Variants in NTM observed in about 807,000 individuals in gnomAD.
The protein encoded by NTM is IgLON family member 2.
A neutral mutation model predicts 42.1 loss-of-function variants in NTM; 13 were observed. That is an observed-to-expected ratio of 0.31 (90% CI 0.20 to 0.49). NTM has a LOEUF of 0.49. Among genes scored for constraint, NTM ranks in the 20% least tolerant of loss-of-function variants. The pLI is 0.99. For synonymous variants in NTM, 187 were observed against 179.2 expected, an observed-to-expected ratio of 1.04 and a Z score of -0.35; for missense variants, 373 against 452.8, an observed-to-expected ratio of 0.82 and a Z score of 1.60.
At chr11:131,446,798 T>C (rs985808581) in intron 1 of NTM, among the ~76,000 whole-genome samples, 9 of 152,244 alleles carry the variant, frequency 5.9e-5, no homozygotes, top group Admixed American at 6.5e-5. Flanking sequence ...AGATGACTTA[T>C]AATGCTCAGC....
At chr11:132,135,499 G>A (rs944136447) in intron 2 of NTM, among the ~76,000 whole-genome samples, 2 of 152,250 alleles carry the variant, frequency 1.3e-5, no homozygotes, top group African/African-American at 4.8e-5. Flanking sequence ...ACAGGCAGAA[G>A]GTGTAAGGGA....
chr11:131,601,799 C>G (rs2060509740), intron 1 of NTM, among the ~76,000 whole-genome samples: 1 of 152,276 alleles, frequency 6.6e-6, no homozygotes, highest in South Asian at 2.1e-4. Flanking sequence ...ATTTAGTCAT[C>G]ATATATTTAT....
At chr11:131,564,083 AT>A (rs1333015423) in intron 1 of NTM, among the ~76,000 whole-genome samples, 3 of 152,136 alleles carry the variant, frequency 2.0e-5, no homozygotes, top group Non-Finnish European at 2.9e-5. Context: ...AGAAGCAGAC[AT>A]TTTGTGCAAG....
chr11:131,557,378 T>C (rs958018233), intron 1 of NTM, among the ~76,000 whole-genome samples: 1 of 152,176 alleles, frequency 6.6e-6, no homozygotes, highest in South Asian at 2.1e-4. Flanking sequence ...TGACATTTTG[T>C]ACTTCAAGCT....
intron 2 of NTM, among the ~76,000 whole-genome samples, chr11:132,047,198 A>C (rs1018670067): frequency 6.6e-6 from 1 of 152,250 alleles, no homozygotes; most frequent in African/African-American, 2.4e-5. Context: ...TCATTCTAAG[A>C]AGAATGAGCA....
intron 1 of NTM, among the ~76,000 whole-genome samples, chr11:131,433,082 C>T (rs1054458767): frequency 6.6e-6 from 1 of 151,922 alleles, no homozygotes; most frequent in Admixed American, 6.6e-5. Context: ...TGTTCTCGAT[C>T]TCCTGACCTC....
intron 1 of NTM, among the ~76,000 whole-genome samples, chr11:131,711,311 G>T (rs2077099604): frequency 6.6e-6 from 1 of 152,120 alleles, no homozygotes; most frequent in African/African-American, 2.4e-5. Context: ...CCATCAAAAA[G>T]TGGGCGAAGT....
rs1396695241 is a variant in NTM, at chr11:132,146,791, C to T, written c.400+277C>T. 2 of 414,428 alleles carry T rather than the reference C, an allele frequency of 4.8e-6. No individual in the cohort carries two copies. The highest frequency in any genetic ancestry group is 8.5e-6 in the Non-Finnish European group (2 of 235,380). The allele number at this position is 414,428 out of a possible 1,614,324, so 25.7% of individuals were successfully genotyped here. A position where few individuals can be genotyped will look rare whatever the true frequency, so the allele number is the denominator to read the frequency against. On this transcript the variant is annotated intron_variant, in intron 3 of 8. Coordinates refer to ENST00000683400, the MANE Select transcript of NTM (RefSeq NM_001352005.2). This position sits in a 1 kb window ranked among gnomAD's most constrained non-coding sequence, Gnocchi z 4.5. ...TATTGCTCTTCTTGGCTTTTTTCTC[C>T]CCTAAGTTTTAGTTATTTTTGTTTG...
At chr11:132,043,449 C>T (rs556216814) in intron 2 of NTM, among the ~76,000 whole-genome samples, 2 of 152,288 alleles carry the variant, frequency 1.3e-5, no homozygotes, top group East Asian at 3.9e-4. Context: ...CTCATCAAGC[C>T]CCTTCCTGCA....
At chr11:131,427,160 C>T (rs1010243768) in intron 1 of NTM, among the ~76,000 whole-genome samples, 58 of 151,204 alleles carry the variant, frequency 3.8e-4, no homozygotes, top group Admixed American at 3.2e-3. Flanking sequence ...AGCAGAAGAC[C>T]GGCACCTGAG....
chr11:132,217,382 GTGTGTGTGTA>G (rs1211006864), intron 4 of NTM, among the ~76,000 whole-genome samples: 1 of 151,018 alleles, frequency 6.6e-6, no homozygotes, highest in Non-Finnish European at 1.5e-5. Flanking sequence ...GTGTGTGTGT[GTGTGTGTGTA>G]TGTGTATGTG....
intron 2 of NTM, among the ~76,000 whole-genome samples, chr11:132,134,629 A>G (rs1480232532): frequency 6.8e-6 from 1 of 147,922 alleles, no homozygotes. Context: ...CACTTAGAAT[A>G]ATAGTCTCCA....
At chr11:131,978,788 T>C (rs1262707394) in intron 2 of NTM, among the ~76,000 whole-genome samples, 6 of 152,226 alleles carry the variant, frequency 3.9e-5, no homozygotes, top group Admixed American at 1.3e-4. Flanking sequence ...CATTAGCACA[T>C]TGAAGGCTGT....
At chr11:132,188,345 G>A (rs144955028) in intron 3 of NTM, among the ~76,000 whole-genome samples, 2 of 152,174 alleles carry the variant, frequency 1.3e-5, no homozygotes, top group Non-Finnish European at 2.9e-5. Flanking sequence ...TGAGGGGCCA[G>A]AAACCTGTGT....
At position 132,058,479 on chromosome 11, in the gene NTM, T is replaced by A. The variant is rs111778638; in HGVS notation, c.168-87803T>A. On this transcript the variant is annotated intron_variant, in intron 2 of 8. Coordinates refer to ENST00000683400, the MANE Select transcript of NTM (RefSeq NM_001352005.2). The stretch of plus-strand genomic sequence containing the variant: ...GGTGTAGAGATTTAGCCTTTCTGAC[T>A]TCTCCCACTGCAATGAGATGACTAA... 8.4e-3 allele frequency among the ~76,000 whole-genome samples: 1,275 copies of A among 152,312 alleles called. 14 individuals are homozygous for A. Among genetic ancestry groups the A allele is most frequent in the African/African-American group, 0.029 (1,215 of 41,566 alleles).
intron 1 of NTM, among the ~76,000 whole-genome samples, chr11:131,845,822 G>A (rs2044834010): frequency 6.6e-6 from 1 of 151,776 alleles, no homozygotes; most frequent in Non-Finnish European, 1.5e-5. Flanking sequence ...GTTTACCCGA[G>A]GATTTTTCCT....
At chr11:132,186,804 G>C (rs1384343618) in intron 3 of NTM, among the ~76,000 whole-genome samples, 1 of 152,168 alleles carries the variant, frequency 6.6e-6, no homozygotes, top group South Asian at 2.1e-4. Flanking sequence ...AAATGCACCA[G>C]GGATAGGACT....
intron 1 of NTM, among the ~76,000 whole-genome samples, chr11:131,817,206 C>A (rs1404126976): frequency 1.3e-5 from 2 of 152,274 alleles, no homozygotes; most frequent in East Asian, 3.9e-4. Flanking sequence ...TTCTGAGTAC[C>A]TGTATCCCTA....
chr11:132,032,843 T>C (rs1197074650), intron 2 of NTM, among the ~76,000 whole-genome samples: 4 of 152,360 alleles, frequency 2.6e-5, no homozygotes, highest in Admixed American at 6.5e-5. Context: ...ATTATGTTGA[T>C]GTTATGTGTA....
Sources: gnomAD v4.1 joint callset for allele counts (sites outside exome capture counted in the v4.1 genomes callset) on GRCh38, gnomAD v4.1.1 for gene constraint, Gnocchi (gnomAD v3.1) non-coding constraint, MANE v1.5 for transcripts, NCBI Gene and HGNC (gene_info 2026-07-23, HGNC 2026-07-21) for gene names.